The following KIAA1217 variants were observed in gnomAD, a reference collection of about 807,000 sequenced individuals.
The protein encoded by KIAA1217 is KIAA1217.
In KIAA1217, 88 loss-of-function variants were observed where a neutral mutation model predicts 163.9. The ratio of observed to expected loss-of-function variants is 0.54; its 90% CI spans 0.45 to 0.64. The LOEUF is 0.64. Ranked by LOEUF, KIAA1217 falls within the 30% of genes least tolerant of loss-of-function variation. The pLI is 0.00. For missense variants in KIAA1217, 2,372 were observed against 2,475.0 expected (o/e 0.96, Z 0.88); for synonymous variants, 903 against 923.1 (o/e 0.98, Z 0.39).
intron 10 of KIAA1217, among the ~76,000 whole-genome samples, chr10:24,517,291 A>G (rs1178382470): frequency 6.6e-6 from 1 of 152,206 alleles, no homozygotes; most frequent in Non-Finnish European, 1.5e-5. Flanking sequence ...CTAGATCTGA[A>G]TGGCAAGACA....
chr10:23,881,816 G>A (rs187720604), intron 1 of KIAA1217, among the ~76,000 whole-genome samples: 2 of 151,846 alleles, frequency 1.3e-5, no homozygotes, highest in African/African-American at 4.8e-5. Context: ...TGGCATGGTG[G>A]GTCCATGTGC....
chr10:23,837,265 T>G (rs1838516296), intron 1 of KIAA1217, among the ~76,000 whole-genome samples: 1 of 152,160 alleles, frequency 6.6e-6, no homozygotes, highest in Non-Finnish European at 1.5e-5. Flanking sequence ...CTGTGGCACT[T>G]TCTTATGATG....
chr10:24,111,777 T>G (rs1351380621), intron 2 of KIAA1217, among the ~76,000 whole-genome samples: 26 of 152,178 alleles, frequency 1.7e-4, no homozygotes, highest in Admixed American at 1.7e-3. Flanking sequence ...TTTTTGAGTT[T>G]TGTTTTTTTG....
intron 2 of KIAA1217, among the ~76,000 whole-genome samples, chr10:24,128,834 T>A (rs2063554287): frequency 6.6e-6 from 1 of 152,244 alleles, no homozygotes; most frequent in Non-Finnish European, 1.5e-5. Context: ...TCTACTTTCA[T>A]AAACTGGCAT....
At chr10:23,951,225 G>C (rs1844321791) in intron 1 of KIAA1217, among the ~76,000 whole-genome samples, 1 of 152,128 alleles carries the variant, frequency 6.6e-6, no homozygotes, top group South Asian at 2.1e-4. Flanking sequence ...GGAGTAGCCA[G>C]ACAAGTAGGC....
chr10:24,464,967 T>G (rs1755575659), intron 5 of KIAA1217, among the ~76,000 whole-genome samples: 2 of 152,146 alleles, frequency 1.3e-5, no homozygotes, highest in South Asian at 4.1e-4. Flanking sequence ...ATAAGAGCCA[T>G]GTCTGTTAGC....
intron 1 of KIAA1217, among the ~76,000 whole-genome samples, chr10:23,778,954 AC>A (rs1418997573): frequency 6.9e-6 from 1 of 145,756 alleles, no homozygotes; most frequent in East Asian, 2.0e-4. Flanking sequence ...TGACTATACA[AC>A]TATTTATTTA....
intron 2 of KIAA1217, among the ~76,000 whole-genome samples, chr10:24,016,620 T>A (rs1399222187): frequency 2.0e-5 from 3 of 152,136 alleles, no homozygotes; most frequent in African/African-American, 7.2e-5. Flanking sequence ...TGTAGTATAG[T>A]ATAATATTGT....
chr10:24,469,921 T>C (rs1231846634), intron 5 of KIAA1217, among the ~76,000 whole-genome samples: 1 of 152,178 alleles, frequency 6.6e-6, no homozygotes, highest in Admixed American at 6.5e-5. Context: ...CAGTTCTACA[T>C]ATTTTAAATA....
At chr10:23,961,684 G>A (rs914519132) in intron 1 of KIAA1217, among the ~76,000 whole-genome samples, 3 of 152,172 alleles carry the variant, frequency 2.0e-5, no homozygotes, top group African/African-American at 7.2e-5. Context: ...CTGAGCTAAG[G>A]TGGTATATGA....
chr10:24,071,510 T>C (rs866688784), intron 2 of KIAA1217, among the ~76,000 whole-genome samples: 2 of 152,176 alleles, frequency 1.3e-5, no homozygotes, highest in Non-Finnish European at 2.9e-5. Context: ...AAAAAAGAAC[T>C]CTTTCTTTAC....
intron 2 of KIAA1217, among the ~76,000 whole-genome samples, chr10:24,120,654 C>T (rs1274392081): frequency 6.6e-6 from 1 of 152,164 alleles, no homozygotes; most frequent in East Asian, 1.9e-4. Flanking sequence ...TAGACTTTGC[C>T]TTCTTTAACT....
rs34055872 is a variant in KIAA1217, at chr10:23,758,686, C to CTT, written c.-321+63468_-321+63469dup. Among the ~76,000 whole-genome samples, 499 of 59,862 alleles carry CTT rather than the reference C, an allele frequency of 8.3e-3. 7 individuals are homozygous for CTT. The highest frequency in any genetic ancestry group is 0.025 in the African/African-American group (482 of 19,612). 39.3% of individuals were successfully genotyped at this position (59,862 alleles called of 152,430 possible). ...CCTCCCCCTTTTTCTTTCTTTCTTT[C>CTT]TTTTTTTTTTTTTTTTTGTTTCAGA... On this transcript the variant is annotated intron_variant, in intron 1 of 18. Transcript: ENST00000376462.
intron 5 of KIAA1217, among the ~76,000 whole-genome samples, chr10:24,472,307 A>G (rs1169795869): frequency 6.6e-6 from 1 of 152,136 alleles, no homozygotes; most frequent in East Asian, 1.9e-4. Context: ...TTGTACTCTT[A>G]TTGCTTAATT....
Position 24,062,010 on chromosome 10 carries a change from AT to A in KIAA1217, c.-171+54637del, listed in dbSNP as rs1433385058. 2.0e-5 allele frequency among the ~76,000 whole-genome samples: 3 copies of A among 152,036 alleles called. No individual in the cohort carries two copies. The East Asian group carries it at 5.8e-4, about 29-fold the overall frequency. ...TTCATCTTTATCTGGAACCTCCATG[AT>A]GCTCATAGTGTGTACTTGACTGGAT... On this transcript the variant is annotated intron_variant, in intron 2 of 18. Transcript: ENST00000376462.
At chr10:24,155,686 G>A (rs950881136) in intron 2 of KIAA1217, among the ~76,000 whole-genome samples, 1 of 152,098 alleles carries the variant, frequency 6.6e-6, no homozygotes, top group Non-Finnish European at 1.5e-5. Flanking sequence ...GCTGGGCTCA[G>A]TGGCGGGCAC....
chr10:24,434,763 T>C (rs772354042), intron 4 of KIAA1217, among the ~76,000 whole-genome samples: 1 of 152,222 alleles, frequency 6.6e-6, no homozygotes, highest in Non-Finnish European at 1.5e-5. Flanking sequence ...TAGTATGGTC[T>C]CTAAACATTT....
chr10:24,040,765 A>G (rs891159271), intron 2 of KIAA1217, among the ~76,000 whole-genome samples: 9 of 152,138 alleles, frequency 5.9e-5, no homozygotes, highest in African/African-American at 2.2e-4. Flanking sequence ...TGTAACTGAC[A>G]TTTTTCATAA....
chr10:24,268,139 A>G (rs1308691546), intron 2 of KIAA1217, among the ~76,000 whole-genome samples: 4 of 152,210 alleles, frequency 2.6e-5, no homozygotes, highest in Non-Finnish European at 5.9e-5. Flanking sequence ...AAGGAATCAG[A>G]GCAAGTCATT....
Sources: allele counts gnomAD v4.1 joint callset (sites outside exome capture counted in the v4.1 genomes callset), GRCh38; gene constraint gnomAD v4.1.1; transcripts MANE v1.5; gene names NCBI Gene and HGNC (gene_info 2026-07-23, HGNC 2026-07-21).